Variants in SHROOM3 observed in about 807,000 individuals in gnomAD.
SHROOM3 encodes protein Shroom3.
In SHROOM3, 47 loss-of-function variants were observed where a neutral mutation model predicts 138.6. That is an observed-to-expected ratio of 0.34 (90% CI 0.27 to 0.43). The LOEUF is 0.43. Ranked by LOEUF, SHROOM3 falls within the 20% of genes least tolerant of loss-of-function variation. SHROOM3 has a pLI of 1.00. For synonymous variants in SHROOM3, 1,062 were observed against 1,063.3 expected (o/e 1.00, Z 0.02); for missense variants, 2,491 against 2,596.5 (o/e 0.96, Z 0.88).
intron 1 of SHROOM3, among the ~76,000 whole-genome samples, chr4:76,438,175 A>G (rs931926376): frequency 6.6e-5 from 10 of 152,352 alleles, no homozygotes; most frequent in African/African-American, 2.4e-4. Flanking sequence ...TTTCTCTGAC[A>G]TAACAGTCTG....
intron 1 of SHROOM3, among the ~76,000 whole-genome samples, chr4:76,550,346 ACC>A: frequency 6.6e-6 from 1 of 152,170 alleles, no homozygotes; most frequent in Non-Finnish European, 1.5e-5. Flanking sequence ...AGAGTTTAGG[ACC>A]TAGAAGAGCA....
chr4:76,690,755 A>G (rs1179080042), intron 2 of SHROOM3, among the ~76,000 whole-genome samples: 1 of 152,174 alleles, frequency 6.6e-6, no homozygotes, highest in Non-Finnish European at 1.5e-5. Flanking sequence ...ATATACAGAG[A>G]AAGAAATAAA....
At chr4:76,481,316 A>G (rs1023416788) in intron 1 of SHROOM3, among the ~76,000 whole-genome samples, 6 of 152,214 alleles carry the variant, frequency 3.9e-5, no homozygotes, top group African/African-American at 1.2e-4. Context: ...GATCCCACAG[A>G]AATGCAAACT....
intron 1 of SHROOM3, among the ~76,000 whole-genome samples, chr4:76,497,957 G>T (rs1377795179): frequency 6.6e-6 from 1 of 152,214 alleles, no homozygotes; most frequent in Admixed American, 6.5e-5. Flanking sequence ...AGTGTATCGA[G>T]CCCCTGGTCA....
chr4:76,493,224 CAAA>C (rs35837765), intron 1 of SHROOM3, among the ~76,000 whole-genome samples: 595 of 56,478 alleles, frequency 0.011, 4 homozygotes, highest in East Asian at 0.068. Context: ...AACTCCATCT[CAAA>C]AAAAAAAAAA....
intron 2 of SHROOM3, among the ~76,000 whole-genome samples, chr4:76,648,785 T>C (rs1048945343): frequency 6.6e-6 from 1 of 152,244 alleles, no homozygotes; most frequent in Admixed American, 6.5e-5. Context: ...AAGTTATTGC[T>C]AGAATATACA....
chr4:76,587,142 C>A (rs1219662028), intron 2 of SHROOM3: 1 of 152,144 alleles, frequency 6.6e-6, no homozygotes, highest in Non-Finnish European at 1.5e-5. Context: ...CTTAACTATG[C>A]TCTGATTTCA....
chr4:76,634,061 C>T (rs1010413175), intron 2 of SHROOM3, among the ~76,000 whole-genome samples: 1 of 152,078 alleles, frequency 6.6e-6, no homozygotes, highest in Admixed American at 6.5e-5. Context: ...TGCTAGTCCT[C>T]AATATTCTCC....
intron 2 of SHROOM3, among the ~76,000 whole-genome samples, chr4:76,563,511 T>C (rs1408756598): frequency 2.0e-5 from 3 of 152,190 alleles, no homozygotes; most frequent in African/African-American, 7.2e-5. Flanking sequence ...AGGAAGGGGC[T>C]CTCTACGCAA....
intron 1 of SHROOM3, among the ~76,000 whole-genome samples, chr4:76,552,249 G>A (rs1733381330): frequency 6.6e-6 from 1 of 150,638 alleles, no homozygotes; most frequent in Admixed American, 6.6e-5. Context: ...GCTCATGCCT[G>A]TAATCTCACC....
rs1413326762 is a variant in SHROOM3, at chr4:76,756,655, G to T, written c.4916G>T (p.Ser1639Ile). The T allele has an allele frequency of 1.2e-6, 2 of 1,613,732 alleles. No individual in the cohort carries two copies. The highest frequency in any genetic ancestry group is 1.7e-6 in the Non-Finnish European group (2 of 1,179,988). The change falls in exon 8 of 11, where the codon AGC becomes ATC. Residue 1639 changes from serine (S) to isoleucine (I), a missense_variant. Physicochemically the swap from Ser to Ile is moderately radical, Grantham distance 142. This residue lies in a region of SHROOM3 where 470 missense variants were observed against 595.0 expected (regional missense o/e 0.79). Coordinates refer to ENST00000296043, the MANE Select transcript of SHROOM3 (RefSeq NM_020859.4). ...CAGCCAGCACCCATCCAGACTCAAA[G>T]CCTCAGCCATGATCCAGTCAGTGGA... ...GGQPAPIQTQ[S>I]LSHDPVSGTQ...
At chr4:76,587,830 AC>A (rs1242626554) in intron 2 of SHROOM3, among the ~76,000 whole-genome samples, 1 of 152,248 alleles carries the variant, frequency 6.6e-6, no homozygotes. Context: ...AGGTAGGTAG[AC>A]ACAAAGTGAA....
At chr4:76,743,148 A>G (rs1018688249) in intron 5 of SHROOM3, among the ~76,000 whole-genome samples, 14 of 152,226 alleles carry the variant, frequency 9.2e-5, no homozygotes, top group African/African-American at 3.4e-4. Context: ...ATTTTGGGCC[A>G]GGATGTAAAA....
intron 1 of SHROOM3, among the ~76,000 whole-genome samples, chr4:76,486,278 G>T (rs929580647): frequency 3.9e-5 from 6 of 152,196 alleles, no homozygotes; most frequent in Admixed American, 6.5e-5. Flanking sequence ...AGCTAATACA[G>T]TTTGAAAAGA....
chr4:76,554,577 G>A (rs1048034518), intron 1 of SHROOM3, among the ~76,000 whole-genome samples: 4 of 151,916 alleles, frequency 2.6e-5, no homozygotes, highest in Non-Finnish European at 5.9e-5. Flanking sequence ...CTGCCACCAT[G>A]CCTGGCTAAT....
At chr4:76,519,294 A>G (rs923543818) in intron 1 of SHROOM3, among the ~76,000 whole-genome samples, 1 of 152,220 alleles carries the variant, frequency 6.6e-6, no homozygotes, top group African/African-American at 2.4e-5. Context: ...CATAGAAACT[A>G]TGGACCAAAA....
At chr4:76,481,477 G>A (rs886678976) in intron 1 of SHROOM3, among the ~76,000 whole-genome samples, 1 of 151,446 alleles carries the variant, frequency 6.6e-6, no homozygotes, top group Non-Finnish European at 1.5e-5. Flanking sequence ...TGAAATTGAG[G>A]CAATAATTAA....
chr4:76,699,448 A>G (rs1273142659), intron 2 of SHROOM3, among the ~76,000 whole-genome samples: 1 of 152,182 alleles, frequency 6.6e-6, no homozygotes, highest in East Asian at 1.9e-4. Context: ...TCCTCATTTT[A>G]CACATGAGAA....
intron 4 of SHROOM3, among the ~76,000 whole-genome samples, chr4:76,737,926 G>GCCA (rs1721125374): frequency 6.6e-6 from 1 of 151,352 alleles, no homozygotes; most frequent in Non-Finnish European, 1.5e-5. Context: ...GGAGTTTACA[G>GCCA]TGATTGATAG....
Sources: gnomAD v4.1 joint callset for allele counts (sites outside exome capture counted in the v4.1 genomes callset) on GRCh38, gnomAD v4.1.1 for gene constraint, gnomAD v4.1.1 regional missense constraint, MANE v1.5 for transcripts, NCBI Gene and HGNC (gene_info 2026-07-23, HGNC 2026-07-21) for gene names.